Variants in KYNU observed in about 807,000 individuals in gnomAD.
KYNU encodes kynureninase.
A neutral mutation model predicts 59.2 loss-of-function variants in KYNU; 54 were observed. That is an observed-to-expected ratio of 0.91 (90% CI 0.73 to 1.14). The LOEUF is 1.14. Ranked by LOEUF, KYNU falls within the 50% of genes most tolerant of loss-of-function variation. The probability of loss-of-function intolerance (pLI) is 0.00; values close to 1 mark genes in which losing one functional copy is unlikely to be tolerated. For synonymous variants in KYNU, 177 were observed against 192.0 expected, an observed-to-expected ratio of 0.92 and a Z score of 0.65; for missense variants, 567 against 554.4, an observed-to-expected ratio of 1.02 and a Z score of -0.23.
chr2:142,947,632 T>C (rs1269305622), intron 4 of KYNU: 1 of 161,212 alleles, frequency 6.2e-6, no homozygotes, highest in African/African-American at 2.4e-5. Context: ...GCATACTTCA[T>C]TTGGGCCCAA....
At chr2:143,038,519 G>C (rs770159256) in intron 12 of KYNU, among the ~76,000 whole-genome samples, 1 of 152,024 alleles carries the variant, frequency 6.6e-6, no homozygotes, top group Non-Finnish European at 1.5e-5. Flanking sequence ...CTGAATCTTG[G>C]AGCACTATTA....
In KYNU at chr2:142,949,340, G is replaced by A. The variant is rs138319000; in HGVS notation, c.374-5470G>A. 7.8e-3 allele frequency among the ~76,000 whole-genome samples: 1,183 copies of A among 152,342 alleles called. 10 individuals are homozygous for A. Among genetic ancestry groups the A allele is most frequent in the Middle Eastern group, 0.02 (6 of 294 alleles). On this transcript the variant is annotated intron_variant, in intron 4 of 13. Transcript: ENST00000264170. ...GGTGGTGTCCCAGTAGGTACACTGT[G>A]TGGGGGCTGCCACCCCACATTTCCC...
intron 2 of KYNU, among the ~76,000 whole-genome samples, chr2:142,911,452 G>T (rs1358679150): frequency 1.3e-5 from 2 of 152,112 alleles, no homozygotes; most frequent in East Asian, 1.9e-4. Flanking sequence ...AGTTCTAGGA[G>T]AATTTTGGTG....
chr2:142,977,687 T>G (rs1033087705), intron 8 of KYNU, among the ~76,000 whole-genome samples: 1 of 152,134 alleles, frequency 6.6e-6, no homozygotes, highest in Non-Finnish European at 1.5e-5. Flanking sequence ...TTGCATAAAA[T>G]AGTAGATAGC....
chr2:143,019,586 G>A (rs1686351492), intron 10 of KYNU, among the ~76,000 whole-genome samples: 3 of 152,082 alleles, frequency 2.0e-5, no homozygotes, highest in South Asian at 4.1e-4. Context: ...TAGCAACTGT[G>A]TTCATCAGGG....
chr2:143,050,617 T>A lies in KYNU; in HGVS notation c.*8445T>A, dbSNP rs55921817. On this transcript the variant is annotated 3_prime_UTR_variant, in exon 14 of 14. Coordinates refer to ENST00000264170, the MANE Select transcript of KYNU (RefSeq NM_003937.3). ...ATTACAATATATAGGGCTGTTTTTTTAAAACTAATTATATTTATTTCATGT... is the reference window on the plus strand; with the variant it reads ...ATTACAATATATAGGGCTGTTTTTTAAAAACTAATTATATTTATTTCATGT... 312 of 152,312 alleles carry A rather than the reference T, an allele frequency of 2.0e-3. No homozygotes were observed. The highest frequency in any genetic ancestry group is 6.6e-3 in the African/African-American group (276 of 41,572). 9.4% of individuals were successfully genotyped at this position (152,312 alleles called of 1,614,324 possible).
rs1687150733 is a variant in KYNU at position 143,045,454 on chromosome 2, C to T, written c.*3282C>T. 6.6e-6 allele frequency: 1 copy of T among 152,080 alleles called. No individual in the cohort carries two copies. The highest frequency in any genetic ancestry group is 1.9e-4 in the East Asian group (1 of 5,194). 9.4% of individuals were successfully genotyped at this position (152,080 alleles called of 1,614,324 possible). On this transcript the variant is annotated 3_prime_UTR_variant, in exon 14 of 14. Coordinates refer to ENST00000264170, the MANE Select transcript of KYNU (RefSeq NM_003937.3). ...GCCATTTTCAGGATATTGATTCTTC[C>T]TATCTATGAGCATGGAATGTTTTTC...
At chr2:142,886,055 C>A (rs998851395) in intron 2 of KYNU, among the ~76,000 whole-genome samples, 3 of 152,040 alleles carry the variant, frequency 2.0e-5, no homozygotes, top group African/African-American at 7.2e-5. Context: ...AAATGCCCAA[C>A]AAATACATAC....
chr2:142,968,433 G>T (rs919649499), intron 8 of KYNU, among the ~76,000 whole-genome samples: 5 of 152,224 alleles, frequency 3.3e-5, no homozygotes, highest in Non-Finnish European at 5.9e-5. Flanking sequence ...ACTAAAGAAG[G>T]TCCCACTAAG....
rs1198522806 is a variant in KYNU at position 143,054,511 on chromosome 2, A to G, written c.*12339A>G. The G allele has an allele frequency of 1.3e-5, 2 of 152,216 alleles. No individual in the cohort carries two copies. Among genetic ancestry groups the G allele is most frequent in the Admixed American group, 1.3e-4 (2 of 15,284 alleles). 9.4% of individuals were successfully genotyped at this position (152,216 alleles called of 1,614,324 possible). A position where few individuals can be genotyped will look rare whatever the true frequency, so the allele number is the denominator to read the frequency against. On this transcript the variant is annotated 3_prime_UTR_variant, in exon 14 of 14. Coordinates refer to ENST00000264170, the MANE Select transcript of KYNU (RefSeq NM_003937.3). Reference sequence around the variant, plus strand: ...AAAACTATTAATATATAGTGGAGGCATCACGTTGTTATGAACTTCATTGAT... The same window carrying G: ...AAAACTATTAATATATAGTGGAGGCGTCACGTTGTTATGAACTTCATTGAT...
intron 3 of KYNU, among the ~76,000 whole-genome samples, chr2:142,921,038 C>T (rs1402331928): frequency 6.6e-6 from 1 of 152,168 alleles, no homozygotes; most frequent in African/African-American, 2.4e-5. Flanking sequence ...TGATTGAGGG[C>T]CTGCCAATTA....
intron 12 of KYNU, among the ~76,000 whole-genome samples, chr2:143,035,532 A>C (rs1686870668): frequency 6.6e-6 from 1 of 152,194 alleles, no homozygotes; most frequent in Non-Finnish European, 1.5e-5. Flanking sequence ...TGGGTTTCTC[A>C]TGTGAGTAAA....
chr2:142,944,884 A>T (rs141104671), intron 4 of KYNU, among the ~76,000 whole-genome samples: 37 of 152,356 alleles, frequency 2.4e-4, no homozygotes, highest in African/African-American at 8.2e-4. Flanking sequence ...ATTTTTGGTT[A>T]AACAGTACAT....
chr2:142,919,487 GAC>G (rs1407504856), intron 3 of KYNU, among the ~76,000 whole-genome samples: 1 of 152,142 alleles, frequency 6.6e-6, no homozygotes, highest in Non-Finnish European at 1.5e-5. Flanking sequence ...AGCCAAACTT[GAC>G]AGTTAGGAAA....
intron 2 of KYNU, among the ~76,000 whole-genome samples, chr2:142,891,537 C>T (rs571093166): frequency 6.6e-6 from 1 of 152,258 alleles, no homozygotes; most frequent in African/African-American, 2.4e-5. Context: ...GTTATCCAAA[C>T]AAGATCTTTT....
intron 4 of KYNU, among the ~76,000 whole-genome samples, chr2:142,942,033 C>G (rs533615239): frequency 6.6e-6 from 1 of 151,932 alleles, no homozygotes; most frequent in Admixed American, 6.6e-5. Flanking sequence ...AAAAATTACC[C>G]AGGCATGGTG....
At chr2:143,023,077 C>A (rs933281654) in intron 10 of KYNU, among the ~76,000 whole-genome samples, 13 of 151,740 alleles carry the variant, frequency 8.6e-5, no homozygotes, top group African/African-American at 2.7e-4. Flanking sequence ...TGTTTTCTTT[C>A]TAATTTTAAA....
intron 3 of KYNU, among the ~76,000 whole-genome samples, chr2:142,919,227 T>A (rs982711002): frequency 2.6e-5 from 4 of 152,222 alleles, no homozygotes; most frequent in Admixed American, 2.6e-4. Context: ...CAGAATAAGG[T>A]GACATAGCAA....
At chr2:142,958,923 G>C (rs566646877) in intron 7 of KYNU, among the ~76,000 whole-genome samples, 4 of 152,206 alleles carry the variant, frequency 2.6e-5, no homozygotes, top group South Asian at 2.1e-4. Context: ...AGAATAAAGA[G>C]TTTTGGATTG....
Sources: gnomAD v4.1 joint callset for allele counts (sites outside exome capture counted in the v4.1 genomes callset) on GRCh38, gnomAD v4.1.1 for gene constraint, MANE v1.5 for transcripts, NCBI Gene and HGNC (gene_info 2026-07-23, HGNC 2026-07-21) for gene names.